KCNG3: variants seen among roughly 807,000 people sequenced by gnomAD.
KCNG3 encodes the protein potassium voltage-gated channel modifier subfamily G member 3.
Under a neutral mutation model 29.0 loss-of-function variants are expected in KCNG3, and 15 were observed. The ratio of observed to expected loss-of-function variants is 0.52; its 90% CI spans 0.35 to 0.80. KCNG3 has a LOEUF of 0.80. Ranked by LOEUF, KCNG3 falls within the 30% of genes least tolerant of loss-of-function variation. The pLI, the probability that KCNG3 is intolerant of heterozygous loss-of-function variation, is 0.01. For synonymous variants in KCNG3, 322 were observed against 248.9 expected, an observed-to-expected ratio of 1.29 and a Z score of -2.76; for missense variants, 512 against 605.7, an observed-to-expected ratio of 0.85 and a Z score of 1.62.
At chr2:42,450,447 C>T (rs1496328) in intron 1 of KCNG3, among the ~76,000 whole-genome samples, 49,003 of 152,070 alleles carry the variant, frequency 0.32, 8,341 homozygotes, top group Admixed American at 0.47. Context: ...CCACTGACAA[C>T]TGCTGAAAAA....
chr2:42,452,428 G>A (rs967944480), intron 1 of KCNG3, among the ~76,000 whole-genome samples: 2 of 151,114 alleles, frequency 1.3e-5, no homozygotes, highest in African/African-American at 4.9e-5. Flanking sequence ...TTTTACTATA[G>A]TCACCCTGTT....
At chr2:42,427,446 A>G in the KCNG3 span, among the ~76,000 whole-genome samples, 1 of 152,106 alleles carries the variant, frequency 6.6e-6, no homozygotes, top group Non-Finnish European at 1.5e-5. Flanking sequence ...CTCTATTAAA[A>G]AATGCAAAAA....
intron 1 of KCNG3, among the ~76,000 whole-genome samples, chr2:42,467,890 A>G (rs1558382496): frequency 1.3e-5 from 2 of 149,284 alleles, no homozygotes; most frequent in Non-Finnish European, 3.0e-5. Flanking sequence ...GGATCACCCG[A>G]GCCTGGAGAG....
At chr2:42,419,657 T>C in the KCNG3 span, among the ~76,000 whole-genome samples, 1 of 152,176 alleles carries the variant, frequency 6.6e-6, no homozygotes, top group African/African-American at 2.4e-5. Flanking sequence ...ACCTTAGCAC[T>C]CAGCTACTCA....
rs1186961470 is a variant in KCNG3 at position 42,442,492 on chromosome 2, G to C, written c.*1442C>G. The C allele has an allele frequency of 6.6e-6, 1 of 152,132 alleles. No individual in the cohort carries two copies. Among genetic ancestry groups the C allele is most frequent in the Non-Finnish European group, 1.5e-5 (1 of 68,034 alleles). 9.4% of individuals were successfully genotyped at this position (152,132 alleles called of 1,614,324 possible). A position where few individuals can be genotyped will look rare whatever the true frequency, so the allele number is the denominator to read the frequency against. On this transcript the variant is annotated 3_prime_UTR_variant, in exon 2 of 2. Coordinates refer to ENST00000306078, the MANE Select transcript of KCNG3 (RefSeq NM_133329.6). ...GTAATAGTTGAGGTTTGAACTAGAT[G>C]ATGGCTAAAATTCCTTTAATGAACA...
At chr2:42,410,774 T>C in the KCNG3 span, among the ~76,000 whole-genome samples, 1 of 152,204 alleles carries the variant, frequency 6.6e-6, no homozygotes, top group Middle Eastern at 3.2e-3. Flanking sequence ...TGTTTTTCTT[T>C]TTCCTAAGCT....
intron 1 of KCNG3, among the ~76,000 whole-genome samples, chr2:42,470,575 T>C (rs971564463): frequency 1.3e-5 from 2 of 152,182 alleles, no homozygotes; most frequent in African/African-American, 4.8e-5. Context: ...ATCAACCATT[T>C]AGAAAAAGAA....
the KCNG3 span, among the ~76,000 whole-genome samples, chr2:42,423,981 A>T: frequency 6.6e-6 from 1 of 152,180 alleles, no homozygotes; most frequent in African/African-American, 2.4e-5. Context: ...TAGCTCCTGT[A>T]AAATAACTTA....
chr2:42,408,822 G>A, the KCNG3 span, among the ~76,000 whole-genome samples: 3 of 152,210 alleles, frequency 2.0e-5, no homozygotes, highest in Non-Finnish European at 4.4e-5. Context: ...CTGGTGAAGA[G>A]AAGTAGAGAA....
At chr2:42,467,292 T>C (rs768489576) in intron 1 of KCNG3, among the ~76,000 whole-genome samples, 2 of 152,284 alleles carry the variant, frequency 1.3e-5, no homozygotes, top group East Asian at 1.9e-4. Context: ...GCAAGTTCTA[T>C]CATATACCAA....
the KCNG3 span, among the ~76,000 whole-genome samples, chr2:42,426,668 C>T: frequency 6.6e-6 from 1 of 152,174 alleles, no homozygotes; most frequent in African/African-American, 2.4e-5. Context: ...TCCATAAAGT[C>T]TTCACATGTT....
intron 1 of KCNG3, among the ~76,000 whole-genome samples, chr2:42,457,627 TCACACACACACACACACACA>T (rs56251665): frequency 8.0e-6 from 1 of 125,434 alleles, no homozygotes; most frequent in Non-Finnish European, 1.7e-5. Flanking sequence ...CAGGCAGATC[TCACACACACACACACACACA>T]CACACACACA....
intron 1 of KCNG3, among the ~76,000 whole-genome samples, chr2:42,476,785 C>T (rs1302928089): frequency 2.0e-5 from 3 of 151,468 alleles, no homozygotes; most frequent in South Asian, 2.1e-4. Flanking sequence ...CCACCATGCC[C>T]GGACAAAATA....
At chr2:42,420,411 G>C in the KCNG3 span, among the ~76,000 whole-genome samples, 4 of 152,156 alleles carry the variant, frequency 2.6e-5, no homozygotes, top group African/African-American at 9.7e-5. Context: ...TTAATGCAAA[G>C]ACTATGCAGT....
At chr2:42,451,553 C>G (rs894032299) in intron 1 of KCNG3, among the ~76,000 whole-genome samples, 1 of 151,500 alleles carries the variant, frequency 6.6e-6, no homozygotes, top group African/African-American at 2.4e-5. Context: ...GGTGAAACCC[C>G]GTCTCTACTA....
the KCNG3 span, among the ~76,000 whole-genome samples, chr2:42,428,459 G>A: frequency 0.66 from 82,078 of 123,440 alleles, 25,103 homozygotes; most frequent in East Asian, 0.76. Context: ...CCGGTCTCGG[G>A]AAAAAAAAAA....
At chr2:42,430,083 G>A in the KCNG3 span, among the ~76,000 whole-genome samples, 1 of 152,106 alleles carries the variant, frequency 6.6e-6, no homozygotes, top group Non-Finnish European at 1.5e-5. Flanking sequence ...AACCAACTAG[G>A]GGGGCGGACA....
At chr2:42,423,206 CTCAT>C in the KCNG3 span, among the ~76,000 whole-genome samples, 2 of 152,348 alleles carry the variant, frequency 1.3e-5, no homozygotes, top group East Asian at 1.9e-4. Flanking sequence ...CTATCTCTCT[CTCAT>C]TATTGCTACG....
rs765794828 is a variant in KCNG3, at chr2:42,492,821, A to T, written c.665+16T>A. The T allele has an allele frequency of 6.8e-7, 1 of 1,463,134 alleles. No homozygotes were observed. The highest frequency in any genetic ancestry group is 9.0e-7 in the Non-Finnish European group (1 of 1,109,388). The allele number at this position is 1,463,134 out of a possible 1,614,324, so 90.6% of individuals were successfully genotyped here. On this transcript the variant is annotated intron_variant, in intron 1 of 1. Transcript: ENST00000306078. The stretch of plus-strand genomic sequence containing the variant: ...GACAGGACGGACGGGACGGGTAGAG[A>T]AGCAGTGCGTCCTACCCGGAGGGCT...
Sources: allele counts gnomAD v4.1 joint callset (sites outside exome capture counted in the v4.1 genomes callset), GRCh38; gene constraint gnomAD v4.1.1; transcripts MANE v1.5; gene names NCBI Gene and HGNC (gene_info 2026-07-23, HGNC 2026-07-21).